Variants in CDYL2 observed in about 807,000 individuals in gnomAD.
The protein encoded by CDYL2 is chromodomain Y-like protein 2.
A neutral mutation model predicts 49.4 loss-of-function variants in CDYL2; 23 were observed. That is an observed-to-expected ratio of 0.47 (90% CI 0.34 to 0.66). The LOEUF is 0.66. Ranked by LOEUF, CDYL2 falls within the 30% of genes least tolerant of loss-of-function variation. The pLI, the probability that CDYL2 is intolerant of heterozygous loss-of-function variation, is 0.01. For missense variants in CDYL2, 678 were observed against 656.4 expected, an observed-to-expected ratio of 1.03 and a Z score of -0.36; for synonymous variants, 360 against 268.8, an observed-to-expected ratio of 1.34 and a Z score of -3.32.
At chr16:80,623,588 G>C (rs1031083095) in intron 3 of CDYL2, among the ~76,000 whole-genome samples, 2 of 152,190 alleles carry the variant, frequency 1.3e-5, no homozygotes, top group Non-Finnish European at 2.9e-5. Context: ...GTTTCTTCAT[G>C]TTCATGGGAC....
chr16:80,694,999 ACCCAAAGAATATATAT>A (rs1910564420), intron 1 of CDYL2, among the ~76,000 whole-genome samples: 1 of 152,256 alleles, frequency 6.6e-6, no homozygotes, highest in Non-Finnish European at 1.5e-5. Flanking sequence ...AATAAGAGTA[ACCCAAAGAATATATAT>A]CCCAAAGAAT....
intron 1 of CDYL2, among the ~76,000 whole-genome samples, chr16:80,695,010 ATATATCCCAAAGAAT>A (rs1233077425): frequency 6.6e-6 from 1 of 152,270 alleles, no homozygotes; most frequent in Non-Finnish European, 1.5e-5. Context: ...CCCAAAGAAT[ATATATCCCAAAGAAT>A]TATAACCCGA....
chr16:80,626,353 T>A (rs534918297), intron 3 of CDYL2, among the ~76,000 whole-genome samples: 1 of 148,054 alleles, frequency 6.8e-6, no homozygotes, highest in Non-Finnish European at 1.5e-5. Flanking sequence ...AAAATCATAA[T>A]ACTGATATTC....
At chr16:80,761,763 G>A (rs1906538441) in intron 1 of CDYL2, among the ~76,000 whole-genome samples, 1 of 151,454 alleles carries the variant, frequency 6.6e-6, no homozygotes, top group African/African-American at 2.4e-5. Context: ...ACTATTATAT[G>A]TTAATAAAAA....
At chr16:80,689,775 A>G (rs17825926) in intron 1 of CDYL2, among the ~76,000 whole-genome samples, 2,754 of 152,332 alleles carry the variant, frequency 0.018, 30 homozygotes, top group Admixed American at 0.026. Context: ...CAGGCTAGTG[A>G]GAAACACAGG....
rs781437661 is a variant in CDYL2 at position 80,743,721 on chromosome 16, A to C, written c.25-58592T>G. On this transcript the variant is annotated intron_variant, in intron 1 of 6. Coordinates refer to ENST00000570137, the MANE Select transcript of CDYL2 (RefSeq NM_152342.4). ...TTTTTTGCCCCTTTCATCTCAGTCCATCAAGATTTTCTATAATATATATCA... is the reference window on the plus strand; with the variant it reads ...TTTTTTGCCCCTTTCATCTCAGTCCCTCAAGATTTTCTATAATATATATCA... Among the ~76,000 whole-genome samples, 98 of 152,016 alleles carry C rather than the reference A, an allele frequency of 6.4e-4. 1 individual carries two copies. The highest frequency in any genetic ancestry group is 3.2e-3 in the Admixed American group (49 of 15,266).
intron 1 of CDYL2, among the ~76,000 whole-genome samples, chr16:80,693,025 T>G (rs2142489438): frequency 6.6e-6 from 1 of 151,168 alleles, no homozygotes; most frequent in Middle Eastern, 3.4e-3. Context: ...TGGAAGAAAC[T>G]CACAGGCATT....
chr16:80,708,449 T>C (rs1028165406), intron 1 of CDYL2, among the ~76,000 whole-genome samples: 2 of 152,204 alleles, frequency 1.3e-5, no homozygotes, highest in African/African-American at 2.4e-5. Context: ...TCCCCAGCCA[T>C]GTGGAAACGT....
intron 1 of CDYL2, among the ~76,000 whole-genome samples, chr16:80,784,959 A>C (rs751073083): frequency 7.9e-5 from 12 of 152,190 alleles, no homozygotes; most frequent in Non-Finnish European, 1.3e-4. Context: ...GTCATGAAGC[A>C]AAGGATAGCT....
At chr16:80,700,542 G>A (rs191471995) in intron 1 of CDYL2, among the ~76,000 whole-genome samples, 1 of 152,124 alleles carries the variant, frequency 6.6e-6, no homozygotes, top group African/African-American at 2.4e-5. Flanking sequence ...AATAAAAATG[G>A]CTATCAACAT....
intron 1 of CDYL2, among the ~76,000 whole-genome samples, chr16:80,696,765 C>T (rs1478558545): frequency 1.3e-5 from 2 of 151,410 alleles, no homozygotes; most frequent in African/African-American, 4.8e-5. Context: ...AACAGGATGG[C>T]TTTACTGCTG....
chr16:80,785,497 T>C (rs1454703092), intron 1 of CDYL2, among the ~76,000 whole-genome samples: 5 of 152,184 alleles, frequency 3.3e-5, no homozygotes, highest in African/African-American at 4.8e-5. Context: ...TCCATGCTCA[T>C]GGATAGGAAG....
At chr16:80,698,161 G>C (rs1298935021) in intron 1 of CDYL2, among the ~76,000 whole-genome samples, 1 of 152,146 alleles carries the variant, frequency 6.6e-6, no homozygotes, top group African/African-American at 2.4e-5. Flanking sequence ...AAAATCTGTA[G>C]TAACCAAAAC....
At chr16:80,801,889 C>T (rs1907937260) in intron 1 of CDYL2, among the ~76,000 whole-genome samples, 1 of 152,150 alleles carries the variant, frequency 6.6e-6, no homozygotes, top group Admixed American at 6.5e-5. Flanking sequence ...AATGTAGACA[C>T]AGGCTATAAA....
At chr16:80,654,596 C>T (rs901764849) in intron 2 of CDYL2, among the ~76,000 whole-genome samples, 4 of 152,166 alleles carry the variant, frequency 2.6e-5, no homozygotes, top group Admixed American at 6.5e-5. Flanking sequence ...GGTCCACCTC[C>T]GGGTGGGCTC....
chr16:80,720,769 A>G (rs1196801077), intron 1 of CDYL2, among the ~76,000 whole-genome samples: 1 of 152,190 alleles, frequency 6.6e-6, no homozygotes, highest in Non-Finnish European at 1.5e-5. Flanking sequence ...TAGTGAGTGA[A>G]GATTTCAGTA....
At position 80,637,748 on chromosome 16, in the gene CDYL2, A is replaced by C. The variant is rs191012739; in HGVS notation, c.617-4512T>G. 2.4e-4 allele frequency among the ~76,000 whole-genome samples: 37 copies of C among 152,342 alleles called. No homozygotes were observed. The East Asian group carries it at 6.4e-3, about 26-fold the overall frequency. ...GTATATTTCAAAGTAGCTAGAACAG[A>C]AGAATTGGAATGTTCCCAAAACAAA... is the stretch of plus-strand genomic sequence containing the variant. On this transcript the variant is annotated intron_variant, in intron 2 of 6. Transcript: ENST00000570137.
intron 2 of CDYL2, among the ~76,000 whole-genome samples, chr16:80,670,416 T>A (rs1909452892): frequency 6.6e-6 from 1 of 152,158 alleles, no homozygotes; most frequent in Admixed American, 6.5e-5. Context: ...ATGAAGGATG[T>A]GTTTGCTTCC....
chr16:80,678,826 G>A (rs980729450), intron 2 of CDYL2, among the ~76,000 whole-genome samples: 5 of 151,116 alleles, frequency 3.3e-5, no homozygotes, highest in Admixed American at 1.3e-4. Context: ...TGTTTATTGC[G>A]GCACTATTCA....
Sources: allele counts gnomAD v4.1 joint callset (sites outside exome capture counted in the v4.1 genomes callset), GRCh38; gene constraint gnomAD v4.1.1; transcripts MANE v1.5; gene names NCBI Gene and HGNC (gene_info 2026-07-23, HGNC 2026-07-21).